RAP1GAP2: variants seen among roughly 807,000 people sequenced by gnomAD.
RAP1GAP2 encodes the protein rap1 GTPase-activating protein 2.
A neutral mutation model predicts 95.0 loss-of-function variants in RAP1GAP2; 27 were observed. The observed-to-expected ratio is 0.28, with a 90% CI of 0.21 to 0.39. The LOEUF (loss-of-function observed/expected upper bound fraction) is 0.39. Among genes scored for constraint, RAP1GAP2 ranks in the 10% least tolerant of loss-of-function variants. The probability of loss-of-function intolerance (pLI) is 1.00; values close to 1 mark genes in which losing one functional copy is unlikely to be tolerated. For missense variants in RAP1GAP2, 771 were observed against 970.0 expected, an observed-to-expected ratio of 0.79 and a Z score of 2.72; for synonymous variants, 373 against 380.9, an observed-to-expected ratio of 0.98 and a Z score of 0.24.
rs945783764 is a variant in RAP1GAP2, at chr17:2,904,487, G to T, written c.81-797G>T. Among the ~76,000 whole-genome samples the T allele has an allele frequency of 9.9e-5, 15 of 151,278 alleles. No homozygotes were observed. Among genetic ancestry groups the T allele is most frequent in the African/African-American group, 3.4e-4 (14 of 41,156 alleles). On this transcript the variant is annotated intron_variant, in intron 2 of 24. Coordinates refer to ENST00000254695, the MANE Select transcript of RAP1GAP2 (RefSeq NM_015085.5). The surrounding 1 kb of genome is among the most constrained non-coding windows in gnomAD (Gnocchi z 4.7). ...AGTTAAGTTTTACCTGCGGTTGCAC[G>T]GCAGGCAGCCCTGTCTCCCGAGGAC...
intron 2 of RAP1GAP2, among the ~76,000 whole-genome samples, chr17:2,848,439 A>G (rs2071679160): frequency 6.6e-6 from 1 of 150,894 alleles, no homozygotes; most frequent in African/African-American, 2.4e-5. Context: ...AGGGGATTTT[A>G]GAAGCTGGGA....
At chr17:2,766,051 C>T (rs2068270121) in intron 1 of RAP1GAP2, among the ~76,000 whole-genome samples, 1 of 152,160 alleles carries the variant, frequency 6.6e-6, no homozygotes, top group Non-Finnish European at 1.5e-5. Context: ...CTCAACACAC[C>T]CACTGCATTA....
In RAP1GAP2 at chr17:3,027,058, C is replaced by T. The variant is rs780285132; in HGVS notation, c.2095C>T (p.Arg699Trp). ...AGCTGCCACCCCGATCATCATGAGC[C>T]GGAGTCCCACAGGTCAGTGGCATCT... ...GAAATPIIMS[R>W]SPTDAKSRNS... The change falls in exon 22 of 25, where the codon CGG (arginine) becomes TGG (tryptophan). Residue 699 changes from arginine to tryptophan, a missense_variant. Arg to Trp is a moderately radical substitution (Grantham distance 101). Coordinates refer to ENST00000254695, the MANE Select transcript of RAP1GAP2 (RefSeq NM_015085.5). The surrounding 1 kb of genome is among the most constrained non-coding windows in gnomAD (Gnocchi z 5.2). The T allele has an allele frequency of 2.5e-6, 4 of 1,579,040 alleles. No individual in the cohort carries two copies. Among genetic ancestry groups the T allele is most frequent in the African/African-American group, 1.3e-5 (1 of 74,230 alleles).
intron 13 of RAP1GAP2, 92 bp from the exon 14 acceptor site, chr17:2,998,129 T>C: frequency 7.2e-7 from 1 of 1,385,156 alleles, no homozygotes; most frequent in Non-Finnish European, 1.0e-6. Context: ...TCAGTTTTCC[T>C]GTGTGCAAAG....
At chr17:2,920,671 C>T (rs754809275) in intron 3 of RAP1GAP2, among the ~76,000 whole-genome samples, 4 of 152,204 alleles carry the variant, frequency 2.6e-5, no homozygotes, top group Non-Finnish European at 4.4e-5. Context: ...ACGAGGGCTT[C>T]GTCAAGTGCC....
At chr17:2,993,356 G>A (rs1052977695) in intron 12 of RAP1GAP2, among the ~76,000 whole-genome samples, 1 of 151,074 alleles carries the variant, frequency 6.6e-6, no homozygotes, top group Non-Finnish European at 1.5e-5. Context: ...GGCAGATCAC[G>A]AGGTCAGGAG....
Position 2,982,139 on chromosome 17 carries a change from G to A in RAP1GAP2, c.729+891G>A, listed in dbSNP as rs1165541985. On this transcript the variant is annotated intron_variant, in intron 10 of 24. Transcript: ENST00000254695. The stretch of plus-strand genomic sequence containing the variant: ...CAGCAGAGACATCCAGAATCCCCTG[G>A]AACAAACACTCTTTTTTTGAGACTG... 5.3e-5 allele frequency among the ~76,000 whole-genome samples: 8 copies of A among 152,104 alleles called. No homozygotes were observed. In the East Asian group the frequency reaches 1.5e-3, roughly 29 times the overall value.
intron 1 of RAP1GAP2, among the ~76,000 whole-genome samples, chr17:2,763,468 G>A (rs1394069698): frequency 6.6e-6 from 1 of 152,106 alleles, no homozygotes; most frequent in African/African-American, 2.4e-5. Flanking sequence ...GGCCGAGGCA[G>A]GTGGATCACC....
chr17:2,964,125 G>C, intron 7 of RAP1GAP2, 57 bp downstream of exon 7: 2 of 1,482,310 alleles, frequency 1.3e-6, no homozygotes, highest in Non-Finnish European at 1.8e-6. Flanking sequence ...GGGACGCTGG[G>C]AGAGAGGAGG....
chr17:2,866,245 C>A lies in RAP1GAP2; in HGVS notation c.81-39039C>A, dbSNP rs976737596. 6.6e-6 allele frequency among the ~76,000 whole-genome samples: 1 copy of A among 152,230 alleles called. No individual in the cohort carries two copies. The highest frequency in any genetic ancestry group is 2.4e-5 in the African/African-American group (1 of 41,448). ...CAAGATAAAAAAACAGGGGCCCGCTCAGATCCCACCTTGGCTGTGGTGTGG... is the reference window on the plus strand; with the variant it reads ...CAAGATAAAAAAACAGGGGCCCGCTAAGATCCCACCTTGGCTGTGGTGTGG... On this transcript the variant is annotated intron_variant, in intron 2 of 24. Coordinates refer to ENST00000254695, the MANE Select transcript of RAP1GAP2 (RefSeq NM_015085.5). This position sits in a 1 kb window ranked among gnomAD's most constrained non-coding sequence, Gnocchi z 4.0.
chr17:2,823,458 C>T (rs866785103), intron 2 of RAP1GAP2, among the ~76,000 whole-genome samples: 7 of 152,170 alleles, frequency 4.6e-5, no homozygotes, highest in South Asian at 2.1e-4. Context: ...GTTGAAAAGC[C>T]ATTTTGCCTT....
At chr17:2,791,857 C>CTTTTTTTTTTTTTTTTTTTT (rs530185952), upstream of RAP1GAP2, among the ~76,000 whole-genome samples, 1 of 136,032 alleles carries the variant, frequency 7.4e-6, no homozygotes, top group Non-Finnish European at 1.6e-5. Flanking sequence ...CCTTTTCTCT[C>CTTTTTTTTTTTTTTTTTTTT]TTTTTTTTTT....
At chr17:2,868,738 C>T (rs964992118) in intron 2 of RAP1GAP2, among the ~76,000 whole-genome samples, 4 of 152,030 alleles carry the variant, frequency 2.6e-5, no homozygotes, top group African/African-American at 4.8e-5. Context: ...AGGCTGGTCT[C>T]GAACTCCTGA....
upstream of RAP1GAP2, among the ~76,000 whole-genome samples, chr17:2,776,023 A>G (rs1312547623): frequency 6.6e-6 from 1 of 152,208 alleles, no homozygotes; most frequent in Non-Finnish European, 1.5e-5. Flanking sequence ...TACTAAAAAT[A>G]CAAAAAGTAG....
chr17:2,883,855 C>G (rs887215515), intron 2 of RAP1GAP2, among the ~76,000 whole-genome samples: 3 of 152,252 alleles, frequency 2.0e-5, no homozygotes, highest in Non-Finnish European at 4.4e-5. Context: ...CCCTTTCTGC[C>G]TATTCCCTGC....
chr17:2,788,835 C>T (rs201930551), intron 1 of RAP1GAP2, among the ~76,000 whole-genome samples: 22 of 152,236 alleles, frequency 1.4e-4, no homozygotes, highest in East Asian at 5.8e-4. Context: ...TGGTTGATGC[C>T]GGCCCACATT....
At chr17:2,819,167 CG>C (rs2070173071) in intron 2 of RAP1GAP2, among the ~76,000 whole-genome samples, 2 of 151,570 alleles carry the variant, frequency 1.3e-5, no homozygotes, top group South Asian at 4.2e-4. Context: ...TACAGGCGCC[CG>C]CTACCACACC....
At chr17:2,911,949 C>CG (rs1380552607) in intron 3 of RAP1GAP2, among the ~76,000 whole-genome samples, 1 of 152,146 alleles carries the variant, frequency 6.6e-6, no homozygotes, top group African/African-American at 2.4e-5. Context: ...GGAGGTGGCC[C>CG]TTGCTCAGCC....
chr17:2,915,158 A>G (rs2042533665), intron 3 of RAP1GAP2, among the ~76,000 whole-genome samples: 1 of 152,118 alleles, frequency 6.6e-6, no homozygotes, highest in Non-Finnish European at 1.5e-5. Context: ...TCTGGCCTCA[A>G]GTGATCCTCC....
Sources: allele counts gnomAD v4.1 joint callset (sites outside exome capture counted in the v4.1 genomes callset), GRCh38; gene constraint gnomAD v4.1.1; non-coding constraint Gnocchi (gnomAD v3.1); transcripts MANE v1.5; gene names NCBI Gene and HGNC (gene_info 2026-07-23, HGNC 2026-07-21).